The following RXRA variants were observed in gnomAD, a reference collection of about 807,000 sequenced individuals.
RXRA encodes retinoid X receptor alpha.
In RXRA, 5 loss-of-function variants were observed where a neutral mutation model predicts 44.5. The observed-to-expected ratio is 0.11, with a 90% CI of 0.06 to 0.24. The LOEUF (loss-of-function observed/expected upper bound fraction) is 0.24. RXRA is among the 10% of genes least tolerant of loss of function. The pLI is 1.00. For missense variants in RXRA, 412 were observed against 646.5 expected, an observed-to-expected ratio of 0.64 and a Z score of 3.93; for synonymous variants, 291 against 271.4, an observed-to-expected ratio of 1.07 and a Z score of -0.71.
At position 134,342,847 on chromosome 9, in the gene RXRA, G is replaced by T. The variant is rs1189012153; in HGVS notation, c.28+16188G>T. On this transcript the variant is annotated intron_variant, in intron 1 of 9. Transcript: ENST00000481739. This position sits in a 1 kb window ranked among gnomAD's most constrained non-coding sequence, Gnocchi z 4.4. ...AGCAGGTTGAGCGCAGGTGGTGGCT[G>T]TGGCCCTGCCACCACCACAGTGACC... 6.6e-6 allele frequency among the ~76,000 whole-genome samples: 1 copy of T among 152,208 alleles called. No homozygotes were observed. The highest frequency in any genetic ancestry group is 6.5e-5 in the Admixed American group (1 of 15,292).
At chr9:134,374,068 A>G (rs1433191734) in intron 1 of RXRA, 2 of 152,266 alleles carry the variant, frequency 1.3e-5, no homozygotes, top group Admixed American at 1.3e-4. Context: ...TGGTGCATGA[A>G]GGTGGCTGTC....
At position 134,408,144 on chromosome 9, in the gene RXRA, C is replaced by G. The variant is rs374813229; in HGVS notation, c.280-5C>G. On this transcript the variant is annotated splice_polypyrimidine_tract_variant and splice_region_variant and intron_variant, in intron 2 of 9. Transcript: ENST00000481739. ...CCCGCTGACTGCTGTGGTTGCCCCC[C>G]CCAGCTCAGCTCACCTATGAACCCC... The G allele has an allele frequency of 2.8e-5, 43 of 1,546,998 alleles. No homozygotes were observed. The highest frequency in any genetic ancestry group is 9.6e-5 in the African/African-American group (7 of 72,976).
intron 1 of RXRA, among the ~76,000 whole-genome samples, chr9:134,381,023 G>C (rs1237901652): frequency 6.6e-6 from 1 of 152,216 alleles, no homozygotes; most frequent in African/African-American, 2.4e-5. Context: ...CAGAGACTGA[G>C]TCTGAACCCG....
chr9:134,434,302 T>C (rs1831580307), intron 9 of RXRA, 95 bp downstream of exon 9: 1 of 881,442 alleles, frequency 1.1e-6, no homozygotes, highest in South Asian at 1.5e-5. Context: ...AATGAGAAGG[T>C]GGCACCCTCC....
intron 7 of RXRA, among the ~76,000 whole-genome samples, chr9:134,429,927 C>T (rs1305709845): frequency 1.3e-5 from 2 of 152,218 alleles, no homozygotes; most frequent in East Asian, 3.9e-4. Flanking sequence ...GCTCTGTCGC[C>T]CAGGCTAGAT....
chr9:134,424,475 G>A (rs1831401519), intron 6 of RXRA: 3 of 985,424 alleles, frequency 3.0e-6, no homozygotes, highest in Non-Finnish European at 3.6e-6. Flanking sequence ...TTCTGGCTTC[G>A]AGGGCCGCAT....
intron 1 of RXRA, chr9:134,379,617 G>A: frequency 1.0e-6 from 1 of 985,408 alleles, no homozygotes; most frequent in Non-Finnish European, 1.2e-6. Context: ...CAGCCGCAGG[G>A]TCTCACCCTC....
At chr9:134,369,088 T>G (rs1041065564) in intron 1 of RXRA, among the ~76,000 whole-genome samples, 162 of 5,034 alleles carry the variant, frequency 0.032, no homozygotes, top group South Asian at 0.064. Context: ...GTGTGTGGGG[T>G]GGTTATGTGT....
chr9:134,380,857 C>T (rs190175784), intron 1 of RXRA, among the ~76,000 whole-genome samples: 259 of 152,256 alleles, frequency 1.7e-3, no homozygotes, highest in Non-Finnish European at 3.3e-3. Flanking sequence ...TGCAGGCAGA[C>T]GGCACCTTCT....
intron 1 of RXRA, among the ~76,000 whole-genome samples, chr9:134,390,818 G>C (rs1218794911): frequency 1.3e-5 from 2 of 152,180 alleles, no homozygotes; most frequent in African/African-American, 4.8e-5. Context: ...TCAGGCCCCT[G>C]CACATGACAG....
In RXRA at chr9:134,365,700, G is replaced by T. The variant is rs1830405801; in HGVS notation, c.29-35932G>T. ...TGTTCTTGGTGGCTGTTAACTCTAG[G>T]CCAGATGTAGCCCTGAGGGGCCCGG... On this transcript the variant is annotated intron_variant, in intron 1 of 9. Transcript: ENST00000481739. This position sits in a 1 kb window ranked among gnomAD's most constrained non-coding sequence, Gnocchi z 4.0. Among the ~76,000 whole-genome samples the T allele has an allele frequency of 1.3e-5, 2 of 151,990 alleles. No individual in the cohort carries two copies. The highest frequency in any genetic ancestry group is 1.3e-4 in the Admixed American group (2 of 15,264).
intron 1 of RXRA, among the ~76,000 whole-genome samples, chr9:134,394,975 C>T (rs1013509385): frequency 6.6e-5 from 10 of 152,222 alleles, no homozygotes; most frequent in African/African-American, 2.4e-4. Context: ...GTGGGTTTGG[C>T]ATTCAGAGTC....
chr9:134,410,425 T>C (rs572515783), intron 4 of RXRA, among the ~76,000 whole-genome samples: 82 of 152,304 alleles, frequency 5.4e-4, no homozygotes, highest in Non-Finnish European at 1.1e-3. Flanking sequence ...ATCCAGACCT[T>C]GTTGCTTTCA....
At chr9:134,380,375 C>T (rs62573098) in intron 1 of RXRA, among the ~76,000 whole-genome samples, 95,267 of 151,762 alleles carry the variant, frequency 0.63, 31,022 homozygotes, top group East Asian at 0.74. Flanking sequence ...GAGCCAGGGG[C>T]CAGATCAGGG....
chr9:134,327,075 G>A (rs1302439371), intron 1 of RXRA, among the ~76,000 whole-genome samples: 1 of 152,032 alleles, frequency 6.6e-6, no homozygotes, highest in African/African-American at 2.4e-5. Context: ...TGGGCCCCGA[G>A]CGGCCTCTGC....
chr9:134,386,188 C>G (rs1554753063), intron 1 of RXRA, among the ~76,000 whole-genome samples: 2 of 152,256 alleles, frequency 1.3e-5, no homozygotes, highest in African/African-American at 2.4e-5. Flanking sequence ...GCTCAGGCAC[C>G]TCCCTCAGGC....
chr9:134,391,842 C>G (rs1208430426), intron 1 of RXRA, among the ~76,000 whole-genome samples: 1 of 152,226 alleles, frequency 6.6e-6, no homozygotes, highest in African/African-American at 2.4e-5. Context: ...AGCTCTTGTT[C>G]CGGGCTTGGA....
intron 1 of RXRA, among the ~76,000 whole-genome samples, chr9:134,327,486 T>C (rs1554746185): frequency 6.6e-6 from 1 of 151,850 alleles, no homozygotes; most frequent in African/African-American, 2.4e-5. Context: ...GTTTGGAAGC[T>C]AGTGAGAAGG....
intron 1 of RXRA, among the ~76,000 whole-genome samples, chr9:134,376,040 G>A (rs954050412): frequency 1.4e-5 from 2 of 147,288 alleles, no homozygotes; most frequent in East Asian, 2.1e-4. Context: ...ATCATGACAA[G>A]CCTTGCTATT....
Sources: gnomAD v4.1 joint callset for allele counts (sites outside exome capture counted in the v4.1 genomes callset) on GRCh38, gnomAD v4.1.1 for gene constraint, Gnocchi (gnomAD v3.1) non-coding constraint, MANE v1.5 for transcripts, NCBI Gene and HGNC (gene_info 2026-07-23, HGNC 2026-07-21) for gene names.